Variants in DIP2C observed in about 807,000 individuals in gnomAD.
DIP2C encodes the protein disco-interacting protein 2 homolog C.
Under a neutral mutation model 192.4 loss-of-function variants are expected in DIP2C, and 33 were observed. The observed-to-expected ratio is 0.17, with a 90% CI of 0.13 to 0.23. The LOEUF is 0.23. Among genes scored for constraint, DIP2C ranks in the 10% least tolerant of loss-of-function variants. The pLI is 1.00. For missense variants in DIP2C, 1,537 were observed against 2,110.1 expected (o/e 0.73, Z 5.32); for synonymous variants, 979 against 864.1 (o/e 1.13, Z -2.33).
chr10:398,816 T>A (rs1191634919), intron 10 of DIP2C, among the ~76,000 whole-genome samples: 1 of 151,592 alleles, frequency 6.6e-6, no homozygotes, highest in East Asian at 1.9e-4. Flanking sequence ...AAAAAAACTA[T>A]CATTTACCCC....
intron 28 of DIP2C, among the ~76,000 whole-genome samples, chr10:344,547 G>C (rs1326386298): frequency 6.6e-6 from 1 of 152,192 alleles, no homozygotes; most frequent in Non-Finnish European, 1.5e-5. Context: ...ACCAGCAAGA[G>C]AAAAACATTC....
intron 4 of DIP2C, among the ~76,000 whole-genome samples, chr10:425,367 C>T (rs1008399146): frequency 1.5e-5 from 2 of 132,396 alleles, no homozygotes; most frequent in South Asian, 2.7e-4. Flanking sequence ...TAATATGACA[C>T]GGATGATACG....
intron 1 of DIP2C, among the ~76,000 whole-genome samples, chr10:590,544 T>C (rs1269955273): frequency 6.6e-6 from 1 of 152,190 alleles, no homozygotes; most frequent in Admixed American, 6.5e-5. Context: ...ACGATGCAGG[T>C]GCCAGCTTTG....
intron 32 of DIP2C, among the ~76,000 whole-genome samples, chr10:297,654 G>A (rs1006788938): frequency 6.6e-6 from 1 of 152,176 alleles, no homozygotes; most frequent in African/African-American, 2.4e-5. Context: ...GTAGAACAGT[G>A]CATACTGGAG....
chr10:573,718 CTCTTT>C (rs1282985844), intron 1 of DIP2C, among the ~76,000 whole-genome samples: 2 of 151,914 alleles, frequency 1.3e-5, no homozygotes, highest in East Asian at 1.9e-4. Flanking sequence ...TTTTTTTTTC[CTCTTT>C]TCTTTTTAAG....
intron 1 of DIP2C, among the ~76,000 whole-genome samples, chr10:543,924 G>A (rs770155169): frequency 6.6e-5 from 10 of 152,238 alleles, no homozygotes; most frequent in Admixed American, 2.6e-4. Context: ...GCTTCCTTCC[G>A]CCAGCCCCTG....
At chr10:572,744 G>A (rs550159348) in intron 1 of DIP2C, among the ~76,000 whole-genome samples, 16 of 152,220 alleles carry the variant, frequency 1.1e-4, no homozygotes, top group African/African-American at 2.9e-4. Flanking sequence ...ACAGATGCGG[G>A]TTTTCCTCCA....
intron 29 of DIP2C, among the ~76,000 whole-genome samples, chr10:339,579 T>C (rs1461493651): frequency 6.6e-6 from 1 of 152,200 alleles, no homozygotes; most frequent in Non-Finnish European, 1.5e-5. Context: ...TTTACTGGTA[T>C]ACTTTGCCAA....
intron 1 of DIP2C, among the ~76,000 whole-genome samples, chr10:624,876 G>A (rs1017269302): frequency 8.2e-5 from 12 of 146,798 alleles, no homozygotes; most frequent in African/African-American, 2.4e-4. Flanking sequence ...GGGAGAACCC[G>A]GGGGGGGAGC....
At chr10:678,217 G>C (rs1830940897) in intron 1 of DIP2C, among the ~76,000 whole-genome samples, 1 of 152,138 alleles carries the variant, frequency 6.6e-6, no homozygotes, top group Admixed American at 6.6e-5. Flanking sequence ...AGATACACCA[G>C]ACTCAAACCT....
At chr10:356,129 A>G (rs958610681) in intron 24 of DIP2C, 5 of 521,680 alleles carry the variant, frequency 9.6e-6, no homozygotes, top group Non-Finnish European at 1.4e-5. Flanking sequence ...AAAAATGCAA[A>G]TATCTCATAG....
chr10:640,714 G>T (rs1855134767), intron 1 of DIP2C, among the ~76,000 whole-genome samples: 1 of 127,884 alleles, frequency 7.8e-6, no homozygotes, highest in Non-Finnish European at 1.6e-5. Flanking sequence ...CGGGGAAGAG[G>T]CTGCGCGCGG....
intron 17 of DIP2C, among the ~76,000 whole-genome samples, chr10:379,620 T>C (rs1424881709): frequency 6.6e-6 from 1 of 152,232 alleles, no homozygotes; most frequent in Admixed American, 6.5e-5. Context: ...TTTTGTTTTC[T>C]TTTTTGCAGA....
rs150358623 is a variant in DIP2C at position 286,193 on chromosome 10, G to T, written c.4119+80C>A. 17 of 1,319,128 alleles carry T rather than the reference G, an allele frequency of 1.3e-5. No individual in the cohort carries two copies. In the African/African-American group the frequency reaches 2.0e-4, roughly 16 times the overall value. The allele number at this position is 1,319,128 out of a possible 1,614,324, so 81.7% of individuals were successfully genotyped here. A position where few individuals can be genotyped will look rare whatever the true frequency, so the allele number is the denominator to read the frequency against. ...GGTGTGTGGCAGATGGAGGGCATGT[G>T]AGCAGTTCTGATGGTGTCAAGGCAA... On this transcript the variant is annotated intron_variant, in intron 34 of 36. Coordinates refer to ENST00000280886, the MANE Select transcript of DIP2C (RefSeq NM_014974.3).
chr10:581,104 G>GGATTGCAT (rs1247180922), intron 1 of DIP2C, among the ~76,000 whole-genome samples: 6 of 152,196 alleles, frequency 3.9e-5, no homozygotes, highest in African/African-American at 1.4e-4. Flanking sequence ...TAGGAGCGAT[G>GGATTGCAT]TCTGGCAGAA....
chr10:304,163 C>T lies in DIP2C; in HGVS notation c.3986+5868G>A, dbSNP rs559892139. 1.1e-4 allele frequency among the ~76,000 whole-genome samples: 16 copies of T among 152,302 alleles called. No individual in the cohort carries two copies. The South Asian group carries it at 3.1e-3, about 30-fold the overall frequency. The stretch of plus-strand genomic sequence containing the variant: ...TATTATCACAGTCCAGTATTATGCA[C>T]GTACTGTGTATGATCCTACATGCTA... On this transcript the variant is annotated intron_variant, in intron 32 of 36. Coordinates refer to ENST00000280886, the MANE Select transcript of DIP2C (RefSeq NM_014974.3).
intron 1 of DIP2C, among the ~76,000 whole-genome samples, chr10:536,203 A>G (rs1028620033): frequency 2.6e-5 from 4 of 152,212 alleles, no homozygotes; most frequent in Middle Eastern, 3.4e-3. Context: ...TTGAAACCAC[A>G]TCACGCCCAT....
At chr10:308,269 C>A (rs866473982) in intron 32 of DIP2C, among the ~76,000 whole-genome samples, 1 of 149,604 alleles carries the variant, frequency 6.7e-6, no homozygotes, top group Non-Finnish European at 1.5e-5. Context: ...CTAGCAGCGA[C>A]GGTCAGCGGC....
chr10:300,402 T>C (rs1955968109), intron 32 of DIP2C, among the ~76,000 whole-genome samples: 1 of 152,066 alleles, frequency 6.6e-6, no homozygotes, highest in Admixed American at 6.5e-5. Context: ...AAAAGACAAA[T>C]ACCACAGGAC....
Sources: gnomAD v4.1 joint callset for allele counts (sites outside exome capture counted in the v4.1 genomes callset) on GRCh38, gnomAD v4.1.1 for gene constraint, MANE v1.5 for transcripts, NCBI Gene and HGNC (gene_info 2026-07-23, HGNC 2026-07-21) for gene names.